GON4L: variants seen among roughly 807,000 people sequenced by gnomAD.
The protein encoded by GON4L is GON-4-like protein.
In GON4L, 87 loss-of-function variants were observed where a neutral mutation model predicts 211.8. The ratio of observed to expected loss-of-function variants is 0.41; its 90% CI spans 0.35 to 0.49. The LOEUF (loss-of-function observed/expected upper bound fraction) is 0.49. Among genes scored for constraint, GON4L ranks in the 20% least tolerant of loss-of-function variants. The pLI is 0.15. For missense variants in GON4L, 2,155 were observed against 2,659.5 expected (o/e 0.81, Z 4.17); for synonymous variants, 875 against 962.6 (o/e 0.91, Z 1.68).
intron 2 of GON4L, among the ~76,000 whole-genome samples, chr1:155,843,566 T>C (rs958429272): frequency 6.6e-6 from 1 of 152,146 alleles, no homozygotes; most frequent in South Asian, 2.1e-4. Flanking sequence ...GCACAAATTG[T>C]TGTGACAATG....
intron 26 of GON4L, 21 bp downstream of exon 26, chr1:155,757,159 C>T (rs1045645071): frequency 1.9e-6 from 3 of 1,613,832 alleles, no homozygotes; most frequent in Admixed American, 1.7e-5. Context: ...CATAAGGCTA[C>T]AGCAGCCTTA....
rs1291649620 is a variant in GON4L, at chr1:155,827,002, C to T, written c.532G>A (p.Glu178Lys). ...GGKPQMNSEG[E>K]IPSLPSGSQS... ...CTGCCTGATGGCAGGGAAGGTATCTCCCCTTCAGAATTCATTTGAGGTTTC... is the reference window on the plus strand; with the variant it reads ...CTGCCTGATGGCAGGGAAGGTATCTTCCCTTCAGAATTCATTTGAGGTTTC... Residue 178 changes from glutamate to lysine, a missense_variant, in exon 3 of 32, where the codon GAG becomes AAG. Transcript: ENST00000368331. The T allele has an allele frequency of 6.8e-6, 11 of 1,613,480 alleles. No homozygotes were observed. The highest frequency in any genetic ancestry group is 9.3e-6 in the Non-Finnish European group (11 of 1,179,508).
At chr1:155,795,989 A>C (rs943592457) in intron 11 of GON4L, among the ~76,000 whole-genome samples, 3 of 152,162 alleles carry the variant, frequency 2.0e-5, no homozygotes, top group African/African-American at 7.2e-5. Flanking sequence ...ATAATAATAC[A>C]TATATTCTAA....
At chr1:155,771,245 C>T in intron 18 of GON4L, 28 bp from the exon 19 acceptor site, 1 of 1,613,322 alleles carries the variant, frequency 6.2e-7, no homozygotes, top group Non-Finnish European at 8.5e-7. Flanking sequence ...CACTAAATCT[C>T]ACTTCACAGT....
At chr1:155,821,408 T>C (rs1174631268) in intron 5 of GON4L, 66 bp downstream of exon 5, 2 of 984,352 alleles carry the variant, frequency 2.0e-6, no homozygotes, top group South Asian at 1.3e-5. Flanking sequence ...AGTGACCTCC[T>C]ACCCTTAGCC....
At chr1:155,759,917 T>C (rs1163803505) in intron 24 of GON4L, among the ~76,000 whole-genome samples, 2 of 148,722 alleles carry the variant, frequency 1.3e-5, no homozygotes, top group Non-Finnish European at 3.0e-5. Flanking sequence ...CATTGTATAC[T>C]ATATATTTTG....
chr1:155,786,929 T>G (rs1279406299), intron 12 of GON4L, among the ~76,000 whole-genome samples: 1 of 140,668 alleles, frequency 7.1e-6, no homozygotes, highest in East Asian at 2.0e-4. Context: ...AGTTTTTTCG[T>G]TTTTTTTTTT....
intron 2 of GON4L, among the ~76,000 whole-genome samples, chr1:155,851,108 A>G (rs1360307827): frequency 1.3e-5 from 2 of 150,246 alleles, no homozygotes; most frequent in African/African-American, 4.9e-5. Context: ...TAATCCCAGC[A>G]CTTTGGGAGG....
chr1:155,767,654 C>G, intron 19 of GON4L, 113 bp from the exon 20 acceptor site: 1 of 1,577,950 alleles, frequency 6.3e-7, no homozygotes, highest in Non-Finnish European at 8.7e-7. Flanking sequence ...CACACACACA[C>G]ACACACACAA....
intron 2 of GON4L, among the ~76,000 whole-genome samples, chr1:155,840,780 C>T (rs1008740630): frequency 2.0e-5 from 3 of 152,190 alleles, no homozygotes; most frequent in African/African-American, 7.2e-5. Flanking sequence ...CGCCTGTAAT[C>T]CCAGCACTCT....
Position 155,760,512 on chromosome 1 carries a change from C to A in GON4L, c.5041G>T (p.Asp1681Tyr). Residue 1681 changes from aspartate (D) to tyrosine (Y), a missense_variant, in exon 24 of 32, where the codon GAC becomes TAC. Asp to Tyr is a radical substitution (Grantham distance 160). Around this residue, in one of 6 missense-constraint regions of GON4L, gnomAD observed 455 missense variants for 504.6 expected, o/e 0.90. Coordinates refer to ENST00000368331, the MANE Select transcript of GON4L (RefSeq NM_001282860.2). ...LYKSLQILLQ[D>Y]WPQLLKDFAA... The stretch of plus-strand genomic sequence containing the variant: ...AAGTCTTTCAACAGCTGAGGCCAGT[C>A]TTGGAGCAGAATTTGCAGGCTTTTG... The A allele has an allele frequency of 6.2e-7, 1 of 1,613,846 alleles. No homozygotes were observed. Among genetic ancestry groups the A allele is most frequent in the Non-Finnish European group, 8.5e-7 (1 of 1,179,752 alleles).
Position 155,774,993 on chromosome 1 carries a change from G to A in GON4L, c.2350+9C>T. On this transcript the variant is annotated intron_variant, in intron 17 of 31. Coordinates refer to ENST00000368331, the MANE Select transcript of GON4L (RefSeq NM_001282860.2). ...GTAAAAACTTAAAGCTGACACATCTGTCTCCTACCAGTCTTCTTGACAGTT... is the reference window on the plus strand; with the variant it reads ...GTAAAAACTTAAAGCTGACACATCTATCTCCTACCAGTCTTCTTGACAGTT... 6.2e-7 allele frequency: 1 copy of A among 1,605,680 alleles called. No homozygotes were observed. The highest frequency in any genetic ancestry group is 1.3e-5 in the African/African-American group (1 of 74,882).
rs150526679 is a variant in GON4L, at chr1:155,768,195, C to A, written c.2647-654G>T. 1.5e-3 allele frequency among the ~76,000 whole-genome samples: 234 copies of A among 151,380 alleles called. 1 individual carries two copies. Among genetic ancestry groups the A allele is most frequent in the African/African-American group, 5.6e-3 (229 of 41,246 alleles). ...GCACGCACCTGTAATCCCAGCTACTCAGCGGGCTGAGGCAGGAGAATTGCT... is the reference window on the plus strand; with the variant it reads ...GCACGCACCTGTAATCCCAGCTACTAAGCGGGCTGAGGCAGGAGAATTGCT... On this transcript the variant is annotated intron_variant, in intron 19 of 31. Coordinates refer to ENST00000368331, the MANE Select transcript of GON4L (RefSeq NM_001282860.2).
At chr1:155,772,585 C>T (rs1460493068) in intron 18 of GON4L, among the ~76,000 whole-genome samples, 2 of 145,366 alleles carry the variant, frequency 1.4e-5, no homozygotes, top group African/African-American at 5.1e-5. Context: ...AGACCCTCAT[C>T]TCTACAAAAA....
intron 6 of GON4L, 145 bp downstream of exon 6, chr1:155,820,461 A>G: frequency 1.5e-6 from 1 of 682,216 alleles, no homozygotes; most frequent in Non-Finnish European, 2.7e-6. Flanking sequence ...ATGATCATGT[A>G]GAAACAATTC....
rs541372778 is a variant in GON4L at position 155,781,757 on chromosome 1, G to A, written c.1892+2229C>T. Among the ~76,000 whole-genome samples, 370 of 151,580 alleles carry A rather than the reference G, an allele frequency of 2.4e-3. 1 individual carries two copies. Among genetic ancestry groups the A allele is most frequent in the African/African-American group, 8.2e-3 (337 of 41,312 alleles). ...ATTACTGGCGTGAGCCACCGCACCC[G>A]GCCTATTATTATTTTTTGAGAGACA... On this transcript the variant is annotated intron_variant, in intron 14 of 31. Transcript: ENST00000368331.
At chr1:155,849,773 C>CAAAAAAAA (rs11330008) in intron 2 of GON4L, among the ~76,000 whole-genome samples, 2 of 77,348 alleles carry the variant, frequency 2.6e-5, no homozygotes, top group African/African-American at 9.6e-5. Context: ...GACTCCGTCT[C>CAAAAAAAA]AAAAAAAAAA....
intron 10 of GON4L, among the ~76,000 whole-genome samples, chr1:155,808,202 C>CATTTTTTGT (rs1044949857): frequency 6.6e-6 from 1 of 151,848 alleles, no homozygotes; most frequent in African/African-American, 2.4e-5. Context: ...ACACCCAGGA[C>CATTTTTTGT]ATTTTTTGTA....
At chr1:155,747,751 C>G (rs560973077), downstream of GON4L, 14 of 1,613,854 alleles carry the variant, frequency 8.7e-6, no homozygotes, top group East Asian at 2.9e-4. Context: ...TCGTCACTCA[C>G]CCCCGCCCAG....
Sources: gnomAD v4.1 joint callset for allele counts (sites outside exome capture counted in the v4.1 genomes callset) on GRCh38, gnomAD v4.1.1 for gene constraint, gnomAD v4.1.1 regional missense constraint, MANE v1.5 for transcripts, NCBI Gene and HGNC (gene_info 2026-07-23, HGNC 2026-07-21) for gene names.